ELP6: variants seen among roughly 807,000 people sequenced by gnomAD.
The protein encoded by ELP6 is elongator acetyltransferase complex subunit 6, also known as elongator complex protein 6.
In ELP6, 23 loss-of-function variants were observed where a neutral mutation model predicts 28.1. That is an observed-to-expected ratio of 0.82 (90% CI 0.59 to 1.16). The LOEUF is 1.16. Among genes scored for constraint, ELP6 ranks in the 50% most tolerant of loss-of-function variants. ELP6 has a pLI of 0.00. For synonymous variants in ELP6, 132 were observed against 135.8 expected (o/e 0.97, Z 0.19); for missense variants, 313 against 334.6 (o/e 0.94, Z 0.50).
intron 2 of ELP6, 44 bp from the exon 3 acceptor site, chr3:47,510,298 A>G (rs1041817932): frequency 9.1e-6 from 14 of 1,544,798 alleles, no homozygotes; most frequent in Non-Finnish European, 1.8e-6. Flanking sequence ...TCTGGTTACA[A>G]CCAGACTCAC....
At chr3:47,504,686 T>G (rs1365332941) in intron 3 of ELP6, 4 of 979,932 alleles carry the variant, frequency 4.1e-6, no homozygotes, top group African/African-American at 3.5e-5. Context: ...CCAGGCATGG[T>G]GGCACATGCC....
At chr3:47,512,811 GGC>G (rs2029895123) in intron 1 of ELP6, 1 of 946,826 alleles carries the variant, frequency 1.1e-6, no homozygotes. Context: ...GGGGCGAGGT[GGC>G]GGTTAGGAAG....
Position 47,495,904 on chromosome 3 carries a change from A to G in ELP6, c.*165T>C. 1 of 1,197,568 alleles carries G rather than the reference A, an allele frequency of 8.4e-7. No homozygotes were observed. Among genetic ancestry groups the G allele is most frequent in the Non-Finnish European group, 1.1e-6 (1 of 872,360 alleles). 74.2% of individuals were successfully genotyped at this position (1,197,568 alleles called of 1,614,324 possible). A position where few individuals can be genotyped will look rare whatever the true frequency, so the allele number is the denominator to read the frequency against. Reference sequence around the variant, plus strand: ...GTGTTTTCTGAACAGGGCCCAGGGCAGCCAAGGCATGCCATCACTGCAGCA... The same window carrying G: ...GTGTTTTCTGAACAGGGCCCAGGGCGGCCAAGGCATGCCATCACTGCAGCA... On this transcript the variant is annotated 3_prime_UTR_variant, in exon 7 of 7. Transcript: ENST00000296149.
At chr3:47,513,476 G>T in intron 1 of ELP6, 61 bp downstream of exon 1, 1 of 1,583,826 alleles carries the variant, frequency 6.3e-7, no homozygotes. Context: ...ACCGCCTCCC[G>T]GATGCAGTAT....
chr3:47,512,795 T>C (rs1471983630), intron 1 of ELP6: 1 of 940,430 alleles, frequency 1.1e-6, no homozygotes, highest in Non-Finnish European at 1.3e-6. Flanking sequence ...ATGTGCCAAT[T>C]GCTCCGGGGC....
At chr3:47,506,643 T>C (rs1708847302) in intron 3 of ELP6, among the ~76,000 whole-genome samples, 1 of 152,236 alleles carries the variant, frequency 6.6e-6, no homozygotes, top group Non-Finnish European at 1.5e-5. Context: ...TTATCTCTCT[T>C]GTTTCCTAAA....
At chr3:47,497,882 G>GGTC (rs1415424943) in intron 6 of ELP6, 3 of 887,612 alleles carry the variant, frequency 3.4e-6, no homozygotes, top group Non-Finnish European at 4.0e-6. Flanking sequence ...AGTGAGCCAA[G>GGTC]ATCGCGCCAC....
chr3:47,513,163 G>C, intron 1 of ELP6: 1 of 927,418 alleles, frequency 1.1e-6, no homozygotes, highest in Non-Finnish European at 1.3e-6. Context: ...GCTAATTTTT[G>C]TATTTTTCGT....
intron 4 of ELP6, chr3:47,503,391 C>G: frequency 7.8e-7 from 1 of 1,289,750 alleles, no homozygotes; most frequent in Non-Finnish European, 1.0e-6. Context: ...AGCAGGAAAA[C>G]CAGTCTCAGG....
intron 4 of ELP6, chr3:47,502,399 AAATG>A (rs1559589222): frequency 1.0e-6 from 1 of 976,004 alleles, no homozygotes; most frequent in Non-Finnish European, 1.2e-6. Flanking sequence ...CTGGGCAACA[AAATG>A]AGACTCTGTC....
At chr3:47,502,039 T>C (rs1708677271) in intron 4 of ELP6, among the ~76,000 whole-genome samples, 188 bp from the exon 5 acceptor site, 1 of 152,156 alleles carries the variant, frequency 6.6e-6, no homozygotes, top group Non-Finnish European at 1.5e-5. Context: ...AAATATTTCC[T>C]GAGGCCTACT....
rs1401392016 is a variant in ELP6, at chr3:47,513,456, G to C, written c.54+81C>G. 47 of 1,571,814 alleles carry C rather than the reference G, an allele frequency of 3.0e-5. 1 individual carries two copies. In the East Asian group the frequency reaches 1.1e-3, roughly 36 times the overall value. The stretch of plus-strand genomic sequence containing the variant: ...GCCGGGTCGTCGCGCCATTCCCCGG[G>C]GTCGTGCGCACCGCCTCCCGGATGC... On this transcript the variant is annotated intron_variant, in intron 1 of 6. Transcript: ENST00000296149.
intron 5 of ELP6, 147 bp from the exon 6 acceptor site, chr3:47,498,579 G>A: frequency 6.7e-7 from 1 of 1,491,108 alleles, no homozygotes. Context: ...CCCTACCTGT[G>A]CTCCCAGACC....
Position 47,501,758 on chromosome 3 carries a change from C to T in ELP6, c.417G>A (p.Pro139=), listed in dbSNP as rs181991988. The change falls in exon 5 of 7, where the codon CCG becomes CCA. Residue 139 remains proline (P), a synonymous_variant. Transcript: ENST00000296149. The part of the protein sequence containing the change: ...VDSGEARWTY[P]VLLVDDLSVL... ...CACTGAGGTCGTCCACCAACAGCAC[C>T]GGGTACGTCCACCGAGCCTCTCCAC... 7.6e-4 allele frequency: 1,229 copies of T among 1,607,280 alleles called. No individual in the cohort carries two copies. The highest frequency in any genetic ancestry group is 1.2e-3 in the Admixed American group (73 of 59,288).
chr3:47,504,470 A>G, intron 3 of ELP6, 22 bp from the exon 4 acceptor site: 1 of 1,585,248 alleles, frequency 6.3e-7, no homozygotes, highest in Non-Finnish European at 8.6e-7. Context: ...AAAGAGAGTG[A>G]GTTACTATGC....
intron 3 of ELP6, among the ~76,000 whole-genome samples, chr3:47,506,936 C>T (rs992347765): frequency 2.0e-5 from 3 of 152,192 alleles, no homozygotes; most frequent in African/African-American, 7.2e-5. Flanking sequence ...TCCCTGACTT[C>T]CTGCAACATG....
Position 47,498,364 on chromosome 3 carries a change from A to G in ELP6, c.594T>C (p.Asn198=). ...AEDEENDILL[N]GLSHQSHLIL... is the part of the protein sequence containing the mutation. ...TCAGATGGCTCTGATGACTGAGGCC[A>G]TTCAGCAGGATGTCATTCTCCTCAT... The change falls in exon 6 of 7, where the codon AAT becomes AAC. Residue 198 remains asparagine, a synonymous_variant. Coordinates refer to ENST00000296149, the MANE Select transcript of ELP6 (RefSeq NM_001031703.3). 2.5e-6 allele frequency: 4 copies of G among 1,613,772 alleles called. No homozygotes were observed. The highest frequency in any genetic ancestry group is 3.4e-6 in the Non-Finnish European group (4 of 1,180,036).
chr3:47,512,162 G>A (rs1389164084), intron 1 of ELP6: 3 of 733,994 alleles, frequency 4.1e-6, no homozygotes, highest in African/African-American at 1.9e-5. Context: ...TTGGCGCTAT[G>A]GGGTCATAAA....
intron 6 of ELP6, 35 bp from the exon 7 acceptor site, chr3:47,496,232 C>T (rs759096647): frequency 1.2e-6 from 2 of 1,608,668 alleles, no homozygotes; most frequent in East Asian, 4.5e-5. Flanking sequence ...GAGGAGCAGC[C>T]ACCCCAGGAC....
Sources: allele counts gnomAD v4.1 joint callset (sites outside exome capture counted in the v4.1 genomes callset), GRCh38; gene constraint gnomAD v4.1.1; transcripts MANE v1.5; gene names NCBI Gene and HGNC (gene_info 2026-07-23, HGNC 2026-07-21).